Variants in TXNRD3 observed in about 807,000 individuals in gnomAD.
TXNRD3 encodes the protein TXNRD3 neighbor gene protein.
A neutral mutation model predicts 78.2 loss-of-function variants in TXNRD3; 68 were observed. That is an observed-to-expected ratio of 0.87 (90% confidence interval 0.72 to 1.06). The LOEUF is 1.06. Among genes scored for constraint, TXNRD3 ranks in the 50% least tolerant of loss-of-function variants. The probability of loss-of-function intolerance (pLI) is 0.00; values close to 1 mark genes in which losing one functional copy is unlikely to be tolerated. For missense variants in TXNRD3, 751 were observed against 809.5 expected, an observed-to-expected ratio of 0.93 and a Z score of 0.88; for synonymous variants, 296 against 300.1, an observed-to-expected ratio of 0.99 and a Z score of 0.14.
intron 9 of TXNRD3, 107 bp downstream of exon 9, chr3:126,630,605 T>C (rs1377875213): frequency 2.6e-5 from 31 of 1,206,492 alleles, no homozygotes; most frequent in Middle Eastern, 2.8e-4. Flanking sequence ...GTGGAAACAC[T>C]GTTTTAACAT....
chr3:126,638,629 G>A (rs1035038636), intron 6 of TXNRD3, among the ~76,000 whole-genome samples: 6 of 152,122 alleles, frequency 3.9e-5, no homozygotes, highest in Admixed American at 1.3e-4. Context: ...AGCTACTCGG[G>A]AGGCTGAGGC....
rs979274066 is a variant in TXNRD3, at chr3:126,646,025, ACTC to A, written c.414+83_414+85del. On this transcript the variant is annotated intron_variant, in intron 3 of 15. Coordinates refer to ENST00000524230, the MANE Select transcript of TXNRD3 (RefSeq NM_052883.3). ...TTTATAACTTCCAAAAGATGAGTGG[ACTC>A]CTAAAAACCATTTTCTCCTCTTTTA... 21 of 929,126 alleles carry A rather than the reference ACTC, an allele frequency of 2.3e-5. No individual in the cohort carries two copies. In the Admixed American group the frequency reaches 4.2e-4, roughly 19 times the overall value. 57.6% of individuals were successfully genotyped at this position (929,126 alleles called of 1,614,324 possible).
intron 8 of TXNRD3, among the ~76,000 whole-genome samples, 172 bp from the exon 9 acceptor site, chr3:126,631,109 G>A (rs190254191): frequency 5.9e-5 from 9 of 152,056 alleles, no homozygotes; most frequent in Non-Finnish European, 5.9e-5. Context: ...TGTGGAACAA[G>A]AAGTATACCT....
intron 1 of TXNRD3, among the ~76,000 whole-genome samples, chr3:126,651,835 C>T (rs890727702): frequency 6.6e-6 from 1 of 152,024 alleles, no homozygotes; most frequent in Non-Finnish European, 1.5e-5. Flanking sequence ...CCCAAGTAGA[C>T]GTCAAGAATG....
Position 126,607,409 on chromosome 3 carries a change from T to TGCAGCCCACA in TXNRD3, c.*486_*495dup, listed in dbSNP as rs1331537566. 6.6e-6 allele frequency: 1 copy of TGCAGCCCACA among 152,340 alleles called. No homozygotes were observed. The highest frequency in any genetic ancestry group is 1.5e-5 in the Non-Finnish European group (1 of 68,130). The allele number at this position is 152,340 out of a possible 1,614,324, so 9.4% of individuals were successfully genotyped here. The stretch of plus-strand genomic sequence containing the variant: ...CTGCTAATGCAGACAGCTATCCAAA[T>TGCAGCCCACA]GCAGCCCACAGCAGCCCACAGACAC... On this transcript the variant is annotated 3_prime_UTR_variant, in exon 16 of 16. Transcript: ENST00000524230.
At position 126,642,128 on chromosome 3, in the gene TXNRD3, C is replaced by A; in HGVS notation, c.616G>T (p.Val206Leu). The stretch of plus-strand genomic sequence containing the variant: ...ATCAATTTCTTAGGAATACAACCTA[C>A]ATTTACACAAGTGCCACCAAGACCT... The change falls in exon 6 of 16, where the codon GTA becomes TTA. Residue 206 changes from valine to leucine, a missense_variant. Val to Leu is a conservative substitution (Grantham distance 32). Coordinates refer to ENST00000524230, the MANE Select transcript of TXNRD3 (RefSeq NM_052883.3). 5.2e-6 allele frequency: 8 copies of A among 1,536,016 alleles called. No homozygotes were observed. The highest frequency in any genetic ancestry group is 6.1e-6 in the Non-Finnish European group (7 of 1,146,828).
At chr3:126,611,754 G>A (rs1407578466) in intron 13 of TXNRD3, among the ~76,000 whole-genome samples, 1 of 152,080 alleles carries the variant, frequency 6.6e-6, no homozygotes, top group African/African-American at 2.4e-5. Flanking sequence ...TTGCACCTCT[G>A]AATCACTCCA....
chr3:126,637,924 T>TTA (rs1932944188), intron 6 of TXNRD3, among the ~76,000 whole-genome samples: 1 of 140,936 alleles, frequency 7.1e-6, no homozygotes, highest in Non-Finnish European at 1.5e-5. Flanking sequence ...TAACCTATAT[T>TTA]TCTCTCTCTT....
At chr3:126,652,643 T>C (rs898109932) in intron 1 of TXNRD3, among the ~76,000 whole-genome samples, 1 of 152,198 alleles carries the variant, frequency 6.6e-6, no homozygotes, top group African/African-American at 2.4e-5. Flanking sequence ...GTTAGGCTAA[T>C]TGGTGTATCT....
intron 6 of TXNRD3, among the ~76,000 whole-genome samples, chr3:126,634,296 G>A (rs911746622): frequency 2.6e-5 from 4 of 152,148 alleles, no homozygotes; most frequent in African/African-American, 9.7e-5. Flanking sequence ...GGAGAAAATG[G>A]GGAAACTGGC....
chr3:126,637,662 T>C (rs1237008292), intron 6 of TXNRD3, among the ~76,000 whole-genome samples: 7 of 152,128 alleles, frequency 4.6e-5, no homozygotes, highest in Non-Finnish European at 5.9e-5. Context: ...TGGAAGAATT[T>C]TGCCATCTAC....
At chr3:126,645,219 T>A (rs1360429266) in intron 3 of TXNRD3, among the ~76,000 whole-genome samples, 1 of 152,206 alleles carries the variant, frequency 6.6e-6, no homozygotes, top group Non-Finnish European at 1.5e-5. Flanking sequence ...GCCTCCTTAC[T>A]TTTAGGTGCC....
At chr3:126,608,399 C>T in intron 15 of TXNRD3, 100 bp downstream of exon 15, 1 of 1,214,758 alleles carries the variant, frequency 8.2e-7, no homozygotes, top group Non-Finnish European at 1.1e-6. Flanking sequence ...TAAAAATATA[C>T]AAATCAGTTA....
At chr3:126,652,637 G>A (rs1933416968) in intron 1 of TXNRD3, among the ~76,000 whole-genome samples, 1 of 152,192 alleles carries the variant, frequency 6.6e-6, no homozygotes, top group African/African-American at 2.4e-5. Flanking sequence ...GTCCATGTTA[G>A]GCTAATTGGT....
Position 126,644,415 on chromosome 3 carries a change from A to G in TXNRD3, c.415-14T>C. ...ACTCTGATATGCCTATGGTTTAATT[A>G]CAGGAGAAAGAACACTGCAGAATTT... On this transcript the variant is annotated splice_polypyrimidine_tract_variant and intron_variant, in intron 3 of 15. Transcript: ENST00000524230. 6.6e-7 allele frequency: 1 copy of G among 1,520,384 alleles called. No individual in the cohort carries two copies. The highest frequency in any genetic ancestry group is 8.8e-7 in the Non-Finnish European group (1 of 1,133,254). The allele number at this position is 1,520,384 out of a possible 1,614,324, so 94.2% of individuals were successfully genotyped here.
intron 3 of TXNRD3, among the ~76,000 whole-genome samples, chr3:126,645,745 C>G (rs1318678802): frequency 6.6e-6 from 1 of 152,138 alleles, no homozygotes; most frequent in Non-Finnish European, 1.5e-5. Context: ...GGCAACCACC[C>G]CAAGGTTAGC....
chr3:126,610,729 A>G (rs971757343), intron 14 of TXNRD3, among the ~76,000 whole-genome samples: 50 of 152,200 alleles, frequency 3.3e-4, no homozygotes, highest in African/African-American at 1.2e-3. Context: ...ATGTATTTTG[A>G]GAGGACACTG....
Position 126,607,943 on chromosome 3 carries a change from A to C in TXNRD3, c.1894T>G (p.Ser632Ala), listed in dbSNP as rs966116587. 8 of 1,507,724 alleles carry C rather than the reference A, an allele frequency of 5.3e-6. No homozygotes were observed. The African/African-American group carries it at 9.6e-5, about 18-fold the overall frequency. The allele number at this position is 1,507,724 out of a possible 1,614,324, so 93.4% of individuals were successfully genotyped here. A position where few individuals can be genotyped will look rare whatever the true frequency, so the allele number is the denominator to read the frequency against. The change falls in exon 16 of 16, where the codon TCA becomes GCA. Residue 632 changes from serine to alanine, a missense_variant. Transcript: ENST00000524230. Reference sequence around the variant, plus strand: ...CCTTTCTGAGTGATGTCTAGTCCTGACGACTTTGTGATTTCCAAAGTCGTG... The same window carrying C: ...CCTTTCTGAGTGATGTCTAGTCCTGCCGACTTTGTGATTTCCAAAGTCGTG...
chr3:126,630,578 G>C, intron 9 of TXNRD3, 134 bp downstream of exon 9: 1 of 947,758 alleles, frequency 1.1e-6, no homozygotes, highest in Non-Finnish European at 1.6e-6. Context: ...AATGGGGTTG[G>C]CTCTGTAGAC....
Sources: allele counts gnomAD v4.1 joint callset (sites outside exome capture counted in the v4.1 genomes callset), GRCh38; gene constraint gnomAD v4.1.1; transcripts MANE v1.5; gene names NCBI Gene and HGNC (gene_info 2026-07-23, HGNC 2026-07-21).